NIBAN2: variants seen among roughly 807,000 people sequenced by gnomAD.
The protein encoded by NIBAN2 is niban apoptosis regulator 2, also known as protein Niban 2.
A neutral mutation model predicts 81.8 loss-of-function variants in NIBAN2; 36 were observed. The ratio of observed to expected loss-of-function variants is 0.44; its 90% CI spans 0.34 to 0.58. The LOEUF is 0.58. NIBAN2 is among the 20% of genes least tolerant of loss of function. NIBAN2 has a pLI of 0.02. For synonymous variants in NIBAN2, 445 were observed against 441.6 expected (o/e 1.01, Z -0.10); for missense variants, 897 against 1,014.1 (o/e 0.88, Z 1.57).
intron 1 of NIBAN2, among the ~76,000 whole-genome samples, chr9:127,547,864 C>A (rs924863421): frequency 2.6e-5 from 4 of 152,034 alleles, no homozygotes; most frequent in African/African-American, 7.2e-5. Flanking sequence ...ACAAAAAAAA[C>A]CCAGCAACTT....
At chr9:127,569,191 AC>A, upstream of NIBAN2, 1 of 440,966 alleles carries the variant, frequency 2.3e-6, no homozygotes, top group Non-Finnish European at 2.6e-6. Flanking sequence ...GCCGCGTCCC[AC>A]CCCGCCCCGC....
At position 127,540,084 on chromosome 9, in the gene NIBAN2, G is replaced by A. The variant is rs189581439; in HGVS notation, c.56-8306C>T. On this transcript the variant is annotated intron_variant, in intron 1 of 13. Coordinates refer to ENST00000373312, the MANE Select transcript of NIBAN2 (RefSeq NM_022833.4). ...TCAAGGTTCCTCTAACCCACAGTGA[G>A]GCCCTTGAAACAGAGGCTGAGCATG... is the stretch of plus-strand genomic sequence containing the variant. Among the ~76,000 whole-genome samples, 58 of 152,338 alleles carry A rather than the reference G, an allele frequency of 3.8e-4. 4 individuals are homozygous for A. The East Asian group carries it at 3.9e-3, about 10-fold the overall frequency.
At position 127,531,589 on chromosome 9, in the gene NIBAN2, C is replaced by T. The variant is rs1264023914; in HGVS notation, c.186+59G>A. The T allele has an allele frequency of 7.7e-6, 12 of 1,567,588 alleles. No homozygotes were observed. The East Asian group carries it at 2.3e-4, about 29-fold the overall frequency. On this transcript the variant is annotated intron_variant, in intron 2 of 13. Transcript: ENST00000373312. ...AGGCCCAGAAAAGTAAGGTCACTCC[C>T]CCGAGGCCACATGGCGAGAAGTAGC...
At chr9:127,538,440 T>A (rs186531271) in intron 1 of NIBAN2, among the ~76,000 whole-genome samples, 1 of 152,228 alleles carries the variant, frequency 6.6e-6, no homozygotes, top group Admixed American at 6.5e-5. Context: ...CAGGAAGCAC[T>A]CAGTGAGTGT....
Position 127,514,688 on chromosome 9 carries a change from C to G in NIBAN2, c.973+2169G>C, listed in dbSNP as rs7850940. ...CTGGCTCTGCATAATTATGTAAAAG[C>G]CTTCTTCCTTTGGGTGGGGACCATC... On this transcript the variant is annotated intron_variant, in intron 8 of 13. Transcript: ENST00000373312. 2.2e-3 allele frequency among the ~76,000 whole-genome samples: 332 copies of G among 152,326 alleles called. 3 individuals carry two copies. The East Asian group carries it at 0.042, about 19-fold the overall frequency.
chr9:127,509,180 G>A (rs1564293828), intron 9 of NIBAN2, 49 bp from the exon 10 acceptor site: 13 of 1,543,910 alleles, frequency 8.4e-6, no homozygotes, highest in Non-Finnish European at 9.6e-6. Context: ...CCTGTGGCCA[G>A]GCAGCACCCC....
At chr9:127,526,672 C>G (rs1377569509) in intron 3 of NIBAN2, among the ~76,000 whole-genome samples, 1 of 152,120 alleles carries the variant, frequency 6.6e-6, no homozygotes, top group Admixed American at 6.6e-5. Flanking sequence ...TGTGGCTCAA[C>G]CAGGTGGGGC....
intron 1 of NIBAN2, among the ~76,000 whole-genome samples, chr9:127,552,380 C>A (rs2132223168): frequency 6.6e-6 from 1 of 151,850 alleles, no homozygotes; most frequent in South Asian, 2.1e-4. Flanking sequence ...TCAGACCAGT[C>A]TGGATGACAA....
chr9:127,554,597 G>A (rs559958982), intron 1 of NIBAN2, among the ~76,000 whole-genome samples: 1 of 109,508 alleles, frequency 9.1e-6, no homozygotes, highest in South Asian at 3.0e-4. Context: ...GTCTTGCTCT[G>A]TCACCCAGGC....
In NIBAN2 at chr9:127,531,674, G is replaced by A; in HGVS notation, c.160C>T (p.Pro54Ser). The A allele has an allele frequency of 6.2e-7, 1 of 1,613,680 alleles. No individual in the cohort carries two copies. Among genetic ancestry groups the A allele is most frequent in the Non-Finnish European group, 8.5e-7 (1 of 1,180,020 alleles). ...MRHEIEGTGL[P>S]QAQLLWRKVP... The stretch of plus-strand genomic sequence containing the variant: ...TTGCGCCAGAGCAGCTGGGCCTGCG[G>A]CAGCCCCGTGCCCTCAATCTCATGG... The change falls in exon 2 of 14, where the codon CCG (proline) becomes TCG (serine). Residue 54 changes from proline to serine, a missense_variant. Pro to Ser is a moderately conservative substitution (Grantham distance 74). Transcript: ENST00000373312.
chr9:127,542,939 G>A (rs1837407835), intron 1 of NIBAN2, among the ~76,000 whole-genome samples: 1 of 152,234 alleles, frequency 6.6e-6, no homozygotes, highest in South Asian at 2.1e-4. Context: ...TGGCCAGGCT[G>A]GCCTCGAACT....
chr9:127,510,595 C>T (rs143795023), intron 8 of NIBAN2, among the ~76,000 whole-genome samples: 3 of 152,032 alleles, frequency 2.0e-5, no homozygotes, highest in Admixed American at 2.0e-4. Flanking sequence ...TGCCACTGTG[C>T]CCAGCTAATT....
intron 1 of NIBAN2, chr9:127,561,354 A>G (rs1465750552): frequency 1.1e-6 from 1 of 911,762 alleles, no homozygotes; most frequent in Non-Finnish European, 1.3e-6. Flanking sequence ...GACAGACCAG[A>G]CACATCTCCC....
At chr9:127,546,353 T>C (rs1564312738) in intron 1 of NIBAN2, among the ~76,000 whole-genome samples, 1 of 152,090 alleles carries the variant, frequency 6.6e-6, no homozygotes, top group Non-Finnish European at 1.5e-5. Context: ...CTCAGTCACG[T>C]CCAGGGCCGA....
chr9:127,568,893 C>A lies in NIBAN2; in HGVS notation c.-19G>T. On this transcript the variant is annotated 5_prime_UTR_variant, in exon 1 of 14. Transcript: ENST00000373312. ...CCCCCATGGCCAGGAGGTGTCGCGG[C>A]CCGATCCGGCCGACGCCGCCGCTGT... is the stretch of plus-strand genomic sequence containing the variant. 2 of 1,281,274 alleles carry A rather than the reference C, an allele frequency of 1.6e-6. No homozygotes were observed. Among genetic ancestry groups the A allele is most frequent in the Non-Finnish European group, 2.0e-6 (2 of 1,013,842 alleles). 79.4% of individuals were successfully genotyped at this position (1,281,274 alleles called of 1,614,324 possible).
intron 1 of NIBAN2, among the ~76,000 whole-genome samples, chr9:127,538,118 C>T (rs1305764448): frequency 6.6e-6 from 1 of 152,114 alleles, no homozygotes; most frequent in African/African-American, 2.4e-5. Flanking sequence ...GAGCTGAGAG[C>T]CAACCCTTTC....
At position 127,516,843 on chromosome 9, in the gene NIBAN2, G is replaced by A; in HGVS notation, c.973+14C>T. ...CCCCTGGAGGGCCCGTCGAGCACGG[G>A]GGTGGCTGCCTACCTCGGATCTTGC... On this transcript the variant is annotated intron_variant, in intron 8 of 13. Transcript: ENST00000373312. 1 of 1,606,264 alleles carries A rather than the reference G, an allele frequency of 6.2e-7. No individual in the cohort carries two copies. The highest frequency in any genetic ancestry group is 8.5e-7 in the Non-Finnish European group (1 of 1,173,424).
chr9:127,509,173 G>T, intron 9 of NIBAN2, 42 bp from the exon 10 acceptor site: 1 of 1,562,080 alleles, frequency 6.4e-7, no homozygotes, highest in Non-Finnish European at 8.7e-7. Flanking sequence ...GGGCCGCCCT[G>T]TGGCCAGGCA....
At chr9:127,547,580 G>C (rs1343562383) in intron 1 of NIBAN2, among the ~76,000 whole-genome samples, 1 of 150,180 alleles carries the variant, frequency 6.7e-6, no homozygotes, top group East Asian at 2.0e-4. Flanking sequence ...GCTCACGCCT[G>C]TAATCCCAGC....
Sources: allele counts gnomAD v4.1 joint callset (sites outside exome capture counted in the v4.1 genomes callset), GRCh38; gene constraint gnomAD v4.1.1; transcripts MANE v1.5; gene names NCBI Gene and HGNC (gene_info 2026-07-23, HGNC 2026-07-21).